POR: variants seen among roughly 807,000 people sequenced by gnomAD.
POR encodes cytochrome p450 oxidoreductase, also known as NADPH--cytochrome P450 reductase.
POR carries 56 observed loss-of-function variants against 84.0 expected under a neutral mutation model. That is an observed-to-expected ratio of 0.67 (90% CI 0.54 to 0.83). The LOEUF is 0.83. POR is among the 40% of genes least tolerant of loss of function. POR has a pLI of 0.00. For missense variants in POR, 938 were observed against 944.3 expected (o/e 0.99, Z 0.09); for synonymous variants, 414 against 400.5 (o/e 1.03, Z -0.40).
intron 2 of POR, among the ~76,000 whole-genome samples, chr7:75,965,517 C>A (rs1554555107): frequency 1.3e-5 from 2 of 151,984 alleles, no homozygotes; most frequent in Admixed American, 6.6e-5. Flanking sequence ...CCCCTCCTTT[C>A]CATCCCCTTT....
intron 10 of POR, 40 bp from the exon 11 acceptor site, chr7:75,984,737 C>T (rs545055627): frequency 1.4e-5 from 22 of 1,590,368 alleles, no homozygotes; most frequent in African/African-American, 4.0e-5. Context: ...CCCCAGGAGG[C>T]GGCCGCCTAC....
chr7:75,985,144 C>A lies in POR; in HGVS notation c.1335C>A (p.Asp445Glu). 3 of 1,599,958 alleles carry A rather than the reference C, an allele frequency of 1.9e-6. No individual in the cohort carries two copies. Among genetic ancestry groups the A allele is most frequent in the African/African-American group, 2.7e-5 (2 of 75,060 alleles). Residue 445 changes from aspartate to glutamate, a missense_variant, in exon 12 of 16, where the codon GAC becomes GAA. Transcript: ENST00000461988. ...GCCCGTCCCTGCGGCCCCCCATCGA[C>A]CACCTGTGTGAGCTGCTGCCGCGCC...
intron 1 of POR, among the ~76,000 whole-genome samples, chr7:75,951,079 A>G (rs1168228542): frequency 1.0e-4 from 3 of 29,448 alleles, no homozygotes. Flanking sequence ...CCCCCCCCGA[A>G]AAAAAAAAAG....
chr7:75,985,074 GGGT>G lies in POR; in HGVS notation c.1271_1273del (p.Val424del), dbSNP rs781853612. The G allele has an allele frequency of 6.3e-7, 1 of 1,599,008 alleles. No individual in the cohort carries two copies. Among genetic ancestry groups the G allele is most frequent in the Non-Finnish European group, 8.5e-7 (1 of 1,178,848 alleles). On this transcript the variant is annotated inframe_deletion, in exon 12 of 16. Coordinates refer to ENST00000461988, the MANE Select transcript of POR (RefSeq NM_000941.3). ...GTCTCTTAGGAGCTGTACCTGAGCT[GGGT>G]GGTGGAGGCCCGGAGGCACATCCTG...
chr7:75,985,955 G>A lies in POR; in HGVS notation c.1702G>A (p.Gly568Ser), dbSNP rs779082897. 6.3e-5 allele frequency: 100 copies of A among 1,588,160 alleles called. No individual in the cohort carries two copies. The highest frequency in any genetic ancestry group is 8.0e-5 in the African/African-American group (6 of 74,560). The change falls in exon 14 of 16, where the codon GGC becomes AGC. Residue 568 changes from glycine to serine, a missense_variant. Transcript: ENST00000461988. ...GGTGGGGGAGACGCTGCTGTACTAC[G>A]GCTGCCGCCGCTCGGATGAGGACTA...
At chr7:75,978,258 G>A (rs1585125849) in intron 3 of POR, among the ~76,000 whole-genome samples, 4 of 152,218 alleles carry the variant, frequency 2.6e-5, no homozygotes, top group African/African-American at 4.8e-5. Context: ...CTGCATATCC[G>A]TGAGTTCGGA....
In POR at chr7:75,986,040, T is replaced by C. The variant is rs1554559318; in HGVS notation, c.1787T>C (p.Val596Ala). ...GACGGTGCGCTCACCCAGCTCAACG[T>C]GGCCTTCTCCCGGGAGCAGTCCCAC... The change falls in exon 14 of 16, where the codon GTG becomes GCG. Residue 596 changes from valine to alanine, a missense_variant. Coordinates refer to ENST00000461988, the MANE Select transcript of POR (RefSeq NM_000941.3). 6.4e-7 allele frequency: 1 copy of C among 1,560,766 alleles called. No individual in the cohort carries two copies. The highest frequency in any genetic ancestry group is 8.7e-7 in the Non-Finnish European group (1 of 1,153,366).
chr7:75,974,321 C>A (rs116122832), intron 3 of POR, among the ~76,000 whole-genome samples: 1 of 152,006 alleles, frequency 6.6e-6, no homozygotes, highest in East Asian at 1.9e-4. Context: ...CACCGTGGCA[C>A]GCGCTCAAGA....
At chr7:75,956,351 T>G (rs757626117) in intron 2 of POR, among the ~76,000 whole-genome samples, 1 of 152,176 alleles carries the variant, frequency 6.6e-6, no homozygotes, top group Non-Finnish European at 1.5e-5. Context: ...ATTGACTCAC[T>G]GAGCAAACAT....
At chr7:75,927,880 A>G (rs564299637) in intron 1 of POR, among the ~76,000 whole-genome samples, 1 of 151,182 alleles carries the variant, frequency 6.6e-6, no homozygotes, top group Non-Finnish European at 1.5e-5. Flanking sequence ...CATGTTGGCT[A>G]GACTGGTCTC....
At chr7:75,934,499 A>G (rs890073159) in intron 1 of POR, among the ~76,000 whole-genome samples, 5 of 152,248 alleles carry the variant, frequency 3.3e-5, no homozygotes, top group African/African-American at 1.2e-4. Flanking sequence ...AGAGAATTCA[A>G]GCAGGCTGTG....
intron 8 of POR, among the ~76,000 whole-genome samples, chr7:75,982,840 G>C (rs1188171024): frequency 6.6e-6 from 1 of 152,150 alleles, no homozygotes; most frequent in Non-Finnish European, 1.5e-5. Context: ...GTGGCTTTCC[G>C]GAGTGCAAGT....
At position 75,932,433 on chromosome 7, in the gene POR, C is replaced by T. The variant is rs555674088; in HGVS notation, c.-5+17254C>T. ...CTGAGCTTAAGCAATCTGCCTGCCTCGGCCTCCCAAAGTGCTGGGACTACA... is the reference window on the plus strand; with the variant it reads ...CTGAGCTTAAGCAATCTGCCTGCCTTGGCCTCCCAAAGTGCTGGGACTACA... On this transcript the variant is annotated intron_variant, in intron 1 of 15. Coordinates refer to ENST00000461988, the MANE Select transcript of POR (RefSeq NM_000941.3). 2.0e-4 allele frequency among the ~76,000 whole-genome samples: 31 copies of T among 152,176 alleles called. No individual in the cohort carries two copies. In the South Asian group the frequency reaches 4.6e-3, roughly 22 times the overall value.
Position 75,984,854 on chromosome 7 carries a change from A to G in POR, c.1144A>G (p.Asn382Asp), listed in dbSNP as rs575786687. 6.2e-7 allele frequency: 1 copy of G among 1,612,528 alleles called. No homozygotes were observed. Among genetic ancestry groups the G allele is most frequent in the South Asian group, 1.1e-5 (1 of 91,088 alleles). ...CCTCACCTACTACCTGGACATCACC[A>G]ACCCGCCGCGTACCAACGTGCTGTA... The change falls in exon 11 of 16, where the codon AAC becomes GAC. Residue 382 changes from asparagine (N) to aspartate (D), a missense_variant. By Grantham distance (23) the Asn-to-Asp change is conservative. Transcript: ENST00000461988.
chr7:75,980,495 C>A lies in POR; in HGVS notation c.516+7C>A. The A allele has an allele frequency of 6.2e-7, 1 of 1,612,828 alleles. No homozygotes were observed. Among genetic ancestry groups the A allele is most frequent in the South Asian group, 1.1e-5 (1 of 91,052 alleles). ...CTCTGGGGTCAAGTTCGCGGTGAGT[C>A]ACCCAGAGACTGCTATGGGCTCCCG... On this transcript the variant is annotated splice_region_variant and intron_variant, in intron 5 of 15. Coordinates refer to ENST00000461988, the MANE Select transcript of POR (RefSeq NM_000941.3).
intron 3 of POR, among the ~76,000 whole-genome samples, chr7:75,978,256 C>T (rs1298423838): frequency 2.6e-5 from 4 of 152,100 alleles, no homozygotes; most frequent in African/African-American, 9.7e-5. Flanking sequence ...CCCTGCATAT[C>T]CGTGAGTTCG....
chr7:75,930,553 C>T (rs1265612658), intron 1 of POR, among the ~76,000 whole-genome samples: 1 of 152,142 alleles, frequency 6.6e-6, no homozygotes, highest in African/African-American at 2.4e-5. Context: ...GATGGAGTCT[C>T]GCTGTGTCGC....
chr7:75,972,697 T>G, intron 3 of POR: 1 of 599,404 alleles, frequency 1.7e-6, no homozygotes, highest in South Asian at 1.9e-5. Flanking sequence ...AACCAAAGTC[T>G]AAGAACAGAC....
chr7:75,915,253 T>C (rs72553980), intron 1 of POR, 74 bp downstream of exon 1: 126 of 153,508 alleles, frequency 8.2e-4, no homozygotes, highest in Middle Eastern at 1.9e-3. Context: ...GCCGGGCGCC[T>C]CAGTTCACCG....
Sources: gnomAD v4.1 joint callset for allele counts (sites outside exome capture counted in the v4.1 genomes callset) on GRCh38, gnomAD v4.1.1 for gene constraint, MANE v1.5 for transcripts, NCBI Gene and HGNC (gene_info 2026-07-23, HGNC 2026-07-21) for gene names.